CTDSPL: variants seen among roughly 807,000 people sequenced by gnomAD.
CTDSPL encodes CTD small phosphatase like.
CTDSPL carries 8 observed loss-of-function variants against 30.5 expected under a neutral mutation model. The ratio of observed to expected loss-of-function variants is 0.26; its 90% confidence interval spans 0.15 to 0.47. The LOEUF is 0.47. Among genes scored for constraint, CTDSPL ranks in the 20% least tolerant of loss-of-function variants. The pLI is 0.99. For missense variants in CTDSPL, 248 were observed against 366.1 expected (o/e 0.68, Z 2.63); for synonymous variants, 110 against 137.9 (o/e 0.80, Z 1.42).
chr3:37,872,326 T>C (rs1698080667), intron 1 of CTDSPL, among the ~76,000 whole-genome samples: 2 of 152,134 alleles, frequency 1.3e-5, no homozygotes, highest in South Asian at 4.1e-4. Context: ...TGGCATTTAT[T>C]GTTTTTTTTC....
chr3:37,978,603 TGTG>T (rs1699455510), intron 7 of CTDSPL, among the ~76,000 whole-genome samples: 1 of 152,226 alleles, frequency 6.6e-6, no homozygotes. Flanking sequence ...ATTTTCCACT[TGTG>T]GTGCCATTGC....
intron 1 of CTDSPL, among the ~76,000 whole-genome samples, chr3:37,932,063 G>T (rs1014362694): frequency 1.3e-5 from 2 of 151,912 alleles, no homozygotes; most frequent in Non-Finnish European, 2.9e-5. Context: ...TGTTTTACTG[G>T]CACAAGCAGG....
At chr3:37,964,792 TA>T (rs1699282063) in intron 4 of CTDSPL, 120 bp downstream of exon 4, 1 of 687,420 alleles carries the variant, frequency 1.5e-6, no homozygotes, top group Admixed American at 2.6e-5. Context: ...ACTCTTCATG[TA>T]GAAATCCCAG....
At chr3:37,960,547 C>T (rs1374533581) in intron 3 of CTDSPL, among the ~76,000 whole-genome samples, 88 of 108,368 alleles carry the variant, frequency 8.1e-4, no homozygotes, top group African/African-American at 3.1e-3. Context: ...CACACACACA[C>T]ACACACACAC....
chr3:37,893,110 C>G (rs1015312393), intron 1 of CTDSPL, among the ~76,000 whole-genome samples: 2 of 152,238 alleles, frequency 1.3e-5, no homozygotes, highest in Non-Finnish European at 2.9e-5. Flanking sequence ...AGTGGACTTC[C>G]TGCTGCAGGA....
chr3:37,880,611 T>C lies in CTDSPL; in HGVS notation c.79+18333T>C, dbSNP rs2125592014. On this transcript the variant is annotated intron_variant, in intron 1 of 7. Coordinates refer to ENST00000273179, the MANE Select transcript of CTDSPL (RefSeq NM_001008392.2). The stretch of plus-strand genomic sequence containing the variant: ...ATAATCACTTGTGTACTACGAATCG[T>C]AGAAGTGAGAGAAAGAATTTGTAGT... Among the ~76,000 whole-genome samples, 2 of 152,316 alleles carry C rather than the reference T, an allele frequency of 1.3e-5. 1 individual carries two copies. The highest frequency in any genetic ancestry group is 6.8e-3 in the Middle Eastern group (2 of 294).
intron 2 of CTDSPL, among the ~76,000 whole-genome samples, chr3:37,949,377 A>G (rs1229965845): frequency 6.6e-6 from 1 of 152,208 alleles, no homozygotes; most frequent in Non-Finnish European, 1.5e-5. Flanking sequence ...TCCAGCATAG[A>G]TTATAATACC....
chr3:37,925,962 C>A (rs1698776714), intron 1 of CTDSPL, among the ~76,000 whole-genome samples: 1 of 152,156 alleles, frequency 6.6e-6, no homozygotes, highest in African/African-American at 2.4e-5. Context: ...TGTCTCTCTT[C>A]CCGCTGGAAT....
chr3:37,917,589 A>G (rs1200623855), intron 1 of CTDSPL, among the ~76,000 whole-genome samples: 1 of 152,212 alleles, frequency 6.6e-6, no homozygotes. Flanking sequence ...CCAGACCATA[A>G]TGTGCTGATA....
At chr3:37,927,041 C>T (rs1256258947) in intron 1 of CTDSPL, among the ~76,000 whole-genome samples, 4 of 152,152 alleles carry the variant, frequency 2.6e-5, no homozygotes, top group African/African-American at 9.7e-5. Flanking sequence ...ATGGTACAGG[C>T]TGAGTATCCC....
rs191993694 is a variant in CTDSPL at position 37,871,173 on chromosome 3, G to A, written c.79+8895G>A. Among the ~76,000 whole-genome samples the A allele has an allele frequency of 4.6e-4, 70 of 152,226 alleles. 1 individual carries two copies. Among genetic ancestry groups the A allele is most frequent in the Admixed American group, 2.1e-3 (32 of 15,282 alleles). ...ATCTTTTTACTGTCACCATAGATTT[G>A]CCTTTTCTAGAACGTCATATACTTG... On this transcript the variant is annotated intron_variant, in intron 1 of 7. Transcript: ENST00000273179.
intron 1 of CTDSPL, among the ~76,000 whole-genome samples, chr3:37,902,240 C>T (rs1305277139): frequency 6.6e-6 from 1 of 152,140 alleles, no homozygotes; most frequent in Non-Finnish European, 1.5e-5. Flanking sequence ...GGTCAGTGGC[C>T]ATCAGTGTCT....
At chr3:37,863,019 G>A (rs1697962785) in intron 1 of CTDSPL, among the ~76,000 whole-genome samples, 1 of 152,214 alleles carries the variant, frequency 6.6e-6, no homozygotes, top group African/African-American at 2.4e-5. Flanking sequence ...GCCTTCCTGT[G>A]TATCAGACAA....
At position 37,862,125 on chromosome 3, in the gene CTDSPL, GCCCCCCGCGCCGCGC is replaced by G; in HGVS notation, c.-70_-56del. Reference sequence around the variant, plus strand: ...GCGCCCCCCCGCGCCGCGCCCCCGCGCCCCCCGCGCCGCGCCCCCGCGCGCTTGGCTTGCGGGGGG... The same window carrying G: ...GCGCCCCCCCGCGCCGCGCCCCCGCGCCCCGCGCGCTTGGCTTGCGGGGGG... On this transcript the variant is annotated 5_prime_UTR_variant, in exon 1 of 8. Coordinates refer to ENST00000273179, the MANE Select transcript of CTDSPL (RefSeq NM_001008392.2). This position sits in a 1 kb window ranked among gnomAD's most constrained non-coding sequence, Gnocchi z 4.3. The G allele has an allele frequency of 1.2e-5, 8 of 647,620 alleles. No individual in the cohort carries two copies. Among genetic ancestry groups the G allele is most frequent in the Non-Finnish European group, 1.5e-5 (8 of 528,578 alleles). The allele number at this position is 647,620 out of a possible 1,614,324, so 40.1% of individuals were successfully genotyped here.
Position 37,970,103 on chromosome 3 carries a change from G to C in CTDSPL, c.427-1304G>C, listed in dbSNP as rs1699350024. 2.0e-5 allele frequency among the ~76,000 whole-genome samples: 3 copies of C among 152,056 alleles called. No homozygotes were observed. The South Asian group carries it at 6.2e-4, about 32-fold the overall frequency. On this transcript the variant is annotated intron_variant, in intron 5 of 7. Coordinates refer to ENST00000273179, the MANE Select transcript of CTDSPL (RefSeq NM_001008392.2). Reference sequence around the variant, plus strand: ...CCGGCTTCTCTCACTACCTCTGATGGCTGGGCACACAGCCTGGCTACTCTC... The same window carrying C: ...CCGGCTTCTCTCACTACCTCTGATGCCTGGGCACACAGCCTGGCTACTCTC...
At chr3:37,952,937 G>A (rs2125625261) in intron 2 of CTDSPL, among the ~76,000 whole-genome samples, 1 of 152,210 alleles carries the variant, frequency 6.6e-6, no homozygotes, top group East Asian at 1.9e-4. Context: ...TTGTTCTGTG[G>A]CACTATCCAA....
intron 1 of CTDSPL, among the ~76,000 whole-genome samples, chr3:37,921,484 C>T (rs1698714079): frequency 6.6e-6 from 1 of 152,176 alleles, no homozygotes; most frequent in Non-Finnish European, 1.5e-5. Flanking sequence ...TCTGTCTCCT[C>T]CCCCTAGTTT....
At chr3:37,935,170 A>G (rs1006929746) in intron 1 of CTDSPL, among the ~76,000 whole-genome samples, 6 of 152,250 alleles carry the variant, frequency 3.9e-5, no homozygotes, top group African/African-American at 1.4e-4. Flanking sequence ...TTGCATGAAT[A>G]CTTCATAGTC....
chr3:37,967,752 CT>C, intron 4 of CTDSPL, 73 bp from the exon 5 acceptor site: 1 of 1,106,088 alleles, frequency 9.0e-7, no homozygotes. Flanking sequence ...TCTAGGCAGG[CT>C]TTTTTCTTGC....
Sources: gnomAD v4.1 joint callset for allele counts (sites outside exome capture counted in the v4.1 genomes callset) on GRCh38, gnomAD v4.1.1 for gene constraint, Gnocchi (gnomAD v3.1) non-coding constraint, MANE v1.5 for transcripts, NCBI Gene and HGNC (gene_info 2026-07-23, HGNC 2026-07-21) for gene names.